CDC42SE2: variants seen among roughly 807,000 people sequenced by gnomAD.
CDC42SE2 encodes CDC42 small effector protein 2.
A neutral mutation model predicts 11.5 loss-of-function variants in CDC42SE2; 3 were observed. The observed-to-expected ratio is 0.26, with a 90% CI of 0.12 to 0.67. CDC42SE2 has a LOEUF of 0.67. CDC42SE2 is among the 30% of genes least tolerant of loss of function. The pLI, the probability that CDC42SE2 is intolerant of heterozygous loss-of-function variation, is 0.80. For missense variants in CDC42SE2, 82 were observed against 106.8 expected, an observed-to-expected ratio of 0.77 and a Z score of 1.02; for synonymous variants, 33 against 34.8, an observed-to-expected ratio of 0.95 and a Z score of 0.18.
At chr5:131,220,883 C>CCT in the CDC42SE2 span, among the ~76,000 whole-genome samples, 1 of 127,112 alleles carries the variant, frequency 7.9e-6, no homozygotes, top group African/African-American at 4.0e-5. Context: ...TCACCAGAAA[C>CCT]CTTTTTTTTT....
intron 2 of CDC42SE2, among the ~76,000 whole-genome samples, chr5:131,317,369 C>T (rs1758062425): frequency 6.6e-6 from 1 of 152,074 alleles, no homozygotes; most frequent in South Asian, 2.1e-4. Context: ...AATAGTTTGC[C>T]TTCTATTTTC....
At chr5:131,220,652 C>T in the CDC42SE2 span, among the ~76,000 whole-genome samples, 3 of 152,170 alleles carry the variant, frequency 2.0e-5, no homozygotes, top group Non-Finnish European at 2.9e-5. Flanking sequence ...ACATTGTTTG[C>T]GATCACAAAA....
chr5:131,212,328 G>C, the CDC42SE2 span, among the ~76,000 whole-genome samples: 17 of 152,176 alleles, frequency 1.1e-4, no homozygotes, highest in South Asian at 3.1e-3. Flanking sequence ...GGCTGGTCTC[G>C]AACTCCTGAC....
chr5:131,336,325 T>G (rs1250388783), intron 2 of CDC42SE2, among the ~76,000 whole-genome samples: 1 of 152,250 alleles, frequency 6.6e-6, no homozygotes, highest in Non-Finnish European at 1.5e-5. Context: ...TTATAGAGTT[T>G]CTGCCGAGAG....
At chr5:131,324,476 A>G (rs1319357676) in intron 2 of CDC42SE2, among the ~76,000 whole-genome samples, 3 of 152,292 alleles carry the variant, frequency 2.0e-5, no homozygotes, top group East Asian at 1.9e-4. Context: ...CTGCATTTCA[A>G]AGACTTACAT....
intron 1 of CDC42SE2, among the ~76,000 whole-genome samples, chr5:131,311,363 G>T (rs1408843614): frequency 6.6e-6 from 1 of 151,922 alleles, no homozygotes; most frequent in Admixed American, 6.6e-5. Context: ...TTTCTCTCTG[G>T]CTGCCCTTAA....
chr5:131,281,143 T>C (rs1211689364), intron 1 of CDC42SE2, among the ~76,000 whole-genome samples: 1 of 152,188 alleles, frequency 6.6e-6, no homozygotes, highest in Non-Finnish European at 1.5e-5. Flanking sequence ...TGGGGTAGAG[T>C]AGACCGCTGA....
chr5:131,276,333 C>T (rs1325653042), intron 1 of CDC42SE2, among the ~76,000 whole-genome samples: 1 of 151,334 alleles, frequency 6.6e-6, no homozygotes, highest in African/African-American at 2.4e-5. Context: ...CCCATAGTCC[C>T]TCCTACTCAG....
At chr5:131,340,916 A>G (rs571040774) in intron 2 of CDC42SE2, among the ~76,000 whole-genome samples, 1 of 152,182 alleles carries the variant, frequency 6.6e-6, no homozygotes, top group African/African-American at 2.4e-5. Context: ...ATCTCAAGTG[A>G]TCTGCCTGCC....
At chr5:131,228,417 G>A in the CDC42SE2 span, among the ~76,000 whole-genome samples, 1 of 152,130 alleles carries the variant, frequency 6.6e-6, no homozygotes, top group Non-Finnish European at 1.5e-5. Flanking sequence ...TAAACACAGA[G>A]CAACTCTGGT....
At chr5:131,390,684 A>G (rs1446336302) in intron 4 of CDC42SE2, among the ~76,000 whole-genome samples, 2 of 152,054 alleles carry the variant, frequency 1.3e-5, no homozygotes, top group Non-Finnish European at 2.9e-5. Context: ...AAAAAAAAGA[A>G]AGTGGAGTTG....
the CDC42SE2 span, among the ~76,000 whole-genome samples, chr5:131,215,693 G>A: frequency 3.9e-5 from 6 of 152,166 alleles, no homozygotes; most frequent in South Asian, 4.1e-4. Flanking sequence ...TCAAGAGAAC[G>A]ACCTCTCATT....
intron 2 of CDC42SE2, among the ~76,000 whole-genome samples, chr5:131,322,102 G>A (rs890079829): frequency 2.6e-4 from 39 of 151,620 alleles, no homozygotes; most frequent in Admixed American, 2.2e-3. Context: ...CACCTGCCTC[G>A]GGCTCCCAAA....
intron 2 of CDC42SE2, among the ~76,000 whole-genome samples, chr5:131,321,430 A>G (rs558497182): frequency 1.3e-5 from 2 of 152,278 alleles, no homozygotes; most frequent in Non-Finnish European, 2.9e-5. Flanking sequence ...GGAGGCTGAT[A>G]GGGAAGGATT....
intron 1 of CDC42SE2, among the ~76,000 whole-genome samples, chr5:131,278,733 CCTCCCCTCCCCCTCCCCTCCCCTCTCCT>C (rs1757163063): frequency 2.2e-4 from 2 of 9,042 alleles, no homozygotes; most frequent in African/African-American, 7.4e-4. Context: ...TCCCCCCTCC[CCTCCCCTCCCCCTCCCCTCCCCTCTCCT>C]CTCCCCTCTC....
intron 1 of CDC42SE2, among the ~76,000 whole-genome samples, chr5:131,267,728 A>G (rs1271335572): frequency 6.6e-6 from 1 of 152,084 alleles, no homozygotes; most frequent in Non-Finnish European, 1.5e-5. Context: ...AATTTCTCAC[A>G]TTATTTTCTG....
the CDC42SE2 span, among the ~76,000 whole-genome samples, chr5:131,218,080 G>C: frequency 6.6e-6 from 1 of 151,284 alleles, no homozygotes; most frequent in African/African-American, 2.4e-5. Context: ...GGAGGCTGAG[G>C]TAGGAGGATC....
chr5:131,228,272 TAGG>T, the CDC42SE2 span, among the ~76,000 whole-genome samples: 1 of 150,516 alleles, frequency 6.6e-6, no homozygotes, highest in East Asian at 2.0e-4. Context: ...GAGGCTGTGG[TAGG>T]AGGATAGCTT....
chr5:131,362,923 G>C (rs970027720), intron 3 of CDC42SE2, among the ~76,000 whole-genome samples: 2 of 152,108 alleles, frequency 1.3e-5, no homozygotes, highest in African/African-American at 4.8e-5. Flanking sequence ...AAGGCAGGGG[G>C]ATTGCCTGAG....
Sources: allele counts gnomAD v4.1 joint callset (sites outside exome capture counted in the v4.1 genomes callset), GRCh38; gene constraint gnomAD v4.1.1; transcripts MANE v1.5; gene names NCBI Gene and HGNC (gene_info 2026-07-23, HGNC 2026-07-21).